The following SCAPER variants were observed in gnomAD, a reference collection of about 807,000 sequenced individuals.
SCAPER encodes the protein S-phase cyclin A associated protein in the ER, also known as S phase cyclin A-associated protein in the endoplasmic reticulum.
In SCAPER, 98 loss-of-function variants were observed where a neutral mutation model predicts 182.2. That is an observed-to-expected ratio of 0.54 (90% CI 0.46 to 0.64). The LOEUF (loss-of-function observed/expected upper bound fraction) is 0.64. SCAPER is among the 30% of genes least tolerant of loss of function. The pLI is 0.00. For missense variants in SCAPER, 1,432 were observed against 1,690.0 expected, an observed-to-expected ratio of 0.85 and a Z score of 2.68; for synonymous variants, 605 against 564.6, an observed-to-expected ratio of 1.07 and a Z score of -1.01.
intron 20 of SCAPER, among the ~76,000 whole-genome samples, chr15:76,691,669 T>G (rs942296221): frequency 6.6e-6 from 1 of 152,106 alleles, no homozygotes; most frequent in Non-Finnish European, 1.5e-5. Flanking sequence ...AAAAGCACAA[T>G]TTTAGATAAG....
At chr15:76,484,130 A>G (rs1368537339) in intron 24 of SCAPER, among the ~76,000 whole-genome samples, 1 of 152,246 alleles carries the variant, frequency 6.6e-6, no homozygotes, top group Non-Finnish European at 1.5e-5. Flanking sequence ...ATTGATACAC[A>G]TTCATACAAT....
chr15:76,486,445 A>C (rs938538024), intron 24 of SCAPER, among the ~76,000 whole-genome samples: 1 of 152,164 alleles, frequency 6.6e-6, no homozygotes. Flanking sequence ...AATGGGAGAA[A>C]ATTTTTGCAA....
At chr15:76,891,092 AG>A (rs2074138589) in intron 1 of SCAPER, among the ~76,000 whole-genome samples, 1 of 152,234 alleles carries the variant, frequency 6.6e-6, no homozygotes, top group Non-Finnish European at 1.5e-5. Context: ...CAATAGATGC[AG>A]AAAAGGCCTT....
At chr15:76,889,557 G>T (rs1595919128) in intron 1 of SCAPER, among the ~76,000 whole-genome samples, 1 of 152,018 alleles carries the variant, frequency 6.6e-6, no homozygotes, top group South Asian at 2.1e-4. Context: ...AACCAACACA[G>T]ATCAAAAAAG....
At chr15:76,837,454 G>C (rs957786885) in intron 5 of SCAPER, among the ~76,000 whole-genome samples, 1 of 152,196 alleles carries the variant, frequency 6.6e-6, no homozygotes, top group Admixed American at 6.5e-5. Context: ...GCAGCAGCAA[G>C]GAGAAGTGTG....
chr15:76,897,990 G>C (rs1388712764), intron 1 of SCAPER, among the ~76,000 whole-genome samples: 2 of 152,080 alleles, frequency 1.3e-5, no homozygotes, highest in Non-Finnish European at 2.9e-5. Flanking sequence ...GGATTTCTGG[G>C]GAGCAATTCA....
intron 25 of SCAPER, among the ~76,000 whole-genome samples, chr15:76,439,275 C>T (rs1041107421): frequency 3.3e-5 from 5 of 152,054 alleles, no homozygotes; most frequent in South Asian, 2.1e-4. Flanking sequence ...GATAGGGTTT[C>T]GTCATGTTTG....
intron 26 of SCAPER, among the ~76,000 whole-genome samples, chr15:76,412,727 T>C (rs1181892706): frequency 3.9e-5 from 6 of 152,312 alleles, no homozygotes; most frequent in South Asian, 2.1e-4. Context: ...TGTTAGAGCC[T>C]TAACTTTTCC....
chr15:76,740,278 C>G (rs2061472744), intron 15 of SCAPER, among the ~76,000 whole-genome samples: 1 of 151,912 alleles, frequency 6.6e-6, no homozygotes, highest in African/African-American at 2.4e-5. Flanking sequence ...GACAAAATGA[C>G]CTAATATAAA....
At chr15:76,680,097 CA>C (rs2146978726) in intron 20 of SCAPER, among the ~76,000 whole-genome samples, 1 of 152,194 alleles carries the variant, frequency 6.6e-6, no homozygotes, top group East Asian at 1.9e-4. Context: ...ATCAATCTTT[CA>C]AACCAAGATC....
At chr15:76,580,575 C>G (rs2145491977) in intron 22 of SCAPER, among the ~76,000 whole-genome samples, 1 of 152,156 alleles carries the variant, frequency 6.6e-6, no homozygotes, top group South Asian at 2.1e-4. Context: ...GACAGGAAAG[C>G]AAGACCCCAT....
intron 21 of SCAPER, among the ~76,000 whole-genome samples, chr15:76,627,569 T>C (rs573278451): frequency 1.3e-4 from 20 of 152,320 alleles, no homozygotes; most frequent in African/African-American, 4.8e-4. Flanking sequence ...CTGTGTTAGT[T>C]TGCTGAGGAT....
intron 21 of SCAPER, among the ~76,000 whole-genome samples, chr15:76,649,269 A>C (rs2146498492): frequency 6.6e-6 from 1 of 152,250 alleles, no homozygotes; most frequent in South Asian, 2.1e-4. Flanking sequence ...TCAGTCTCTA[A>C]AAGAATTTAA....
At position 76,702,130 on chromosome 15, in the gene SCAPER, T is replaced by C. The variant is rs563491171; in HGVS notation, c.2401-265A>G. Among the ~76,000 whole-genome samples the C allele has an allele frequency of 1.4e-4, 21 of 151,966 alleles. No homozygotes were observed. In the East Asian group the frequency reaches 3.9e-3, roughly 28 times the overall value. On this transcript the variant is annotated intron_variant, in intron 19 of 31. Transcript: ENST00000563290. ...GTGAGCTGAGATCGTGCCACTGCACTCCAGCTTGGGTGACAAAGCGATACT... is the reference window on the plus strand; with the variant it reads ...GTGAGCTGAGATCGTGCCACTGCACCCCAGCTTGGGTGACAAAGCGATACT...
chr15:76,574,285 C>T lies in SCAPER; in HGVS notation c.2712-1G>A, dbSNP rs2047662675. On this transcript the variant is annotated splice_acceptor_variant, in intron 22 of 31. Coordinates refer to ENST00000563290, the MANE Select transcript of SCAPER (RefSeq NM_020843.4). LOFTEE classifies it high-confidence loss of function. ...AAGATCTTTGGCTAATCGCTGAAGCCTTTAATACCAAATGAAAGGAAAGAA... is the reference window on the plus strand; with the variant it reads ...AAGATCTTTGGCTAATCGCTGAAGCTTTTAATACCAAATGAAAGGAAAGAA... 6.2e-7 allele frequency: 1 copy of T among 1,609,932 alleles called. No individual in the cohort carries two copies. The highest frequency in any genetic ancestry group is 8.5e-7 in the Non-Finnish European group (1 of 1,178,046).
intron 21 of SCAPER, among the ~76,000 whole-genome samples, chr15:76,637,740 ATATG>A (rs1312284019): frequency 0.033 from 1,034 of 31,622 alleles, 3 homozygotes; most frequent in Non-Finnish European, 0.047. Context: ...ATATATATAT[ATATG>A]TGTGTGTGTG....
At chr15:76,724,830 AT>A (rs924575114) in intron 17 of SCAPER, among the ~76,000 whole-genome samples, 1 of 151,644 alleles carries the variant, frequency 6.6e-6, no homozygotes, top group African/African-American at 2.4e-5. Context: ...CATTCGTCTA[AT>A]TTTTTTTCAA....
chr15:76,692,740 G>A (rs982850034), intron 20 of SCAPER, among the ~76,000 whole-genome samples: 3 of 138,086 alleles, frequency 2.2e-5, no homozygotes, highest in South Asian at 2.4e-4. Flanking sequence ...GGAAAGGAAA[G>A]GACAGGAAAT....
rs182712673 is a variant in SCAPER, at chr15:76,660,491, T to C, written c.2645+5162A>G. ...CACTCATGTGGTCATCAAGGCAGTA[T>C]TTACAATAGCAAAAACATGGTTTTA... On this transcript the variant is annotated intron_variant, in intron 21 of 31. Coordinates refer to ENST00000563290, the MANE Select transcript of SCAPER (RefSeq NM_020843.4). Among the ~76,000 whole-genome samples, 87 of 152,288 alleles carry C rather than the reference T, an allele frequency of 5.7e-4. 2 individuals carry two copies. The highest frequency in any genetic ancestry group is 3.4e-3 in the Middle Eastern group (1 of 294).
Sources: allele counts gnomAD v4.1 joint callset (sites outside exome capture counted in the v4.1 genomes callset), GRCh38; gene constraint gnomAD v4.1.1; transcripts MANE v1.5; gene names NCBI Gene and HGNC (gene_info 2026-07-23, HGNC 2026-07-21).